The following MEGF11 variants were observed in gnomAD, a reference collection of about 807,000 sequenced individuals.
MEGF11 encodes the protein multiple EGF like domains 11.
A neutral mutation model predicts 146.6 loss-of-function variants in MEGF11; 126 were observed. That is an observed-to-expected ratio of 0.86 (90% CI 0.74 to 1.00). The LOEUF (loss-of-function observed/expected upper bound fraction) is 1.00, where lower values mean the gene tolerates loss of function less well. Among genes scored for constraint, MEGF11 ranks in the 50% least tolerant of loss-of-function variants. The pLI is 0.00. For synonymous variants in MEGF11, 532 were observed against 583.4 expected (o/e 0.91, Z 1.27); for missense variants, 1,509 against 1,521.2 (o/e 0.99, Z 0.13).
At chr15:66,103,092 C>A (rs1247032354) in intron 4 of MEGF11, among the ~76,000 whole-genome samples, 1 of 152,176 alleles carries the variant, frequency 6.6e-6, no homozygotes, top group African/African-American at 2.4e-5. Flanking sequence ...ATCCCAGCAG[C>A]AAATGAGAAC....
At chr15:66,047,758 G>C (rs930207560) in intron 5 of MEGF11, among the ~76,000 whole-genome samples, 1 of 152,172 alleles carries the variant, frequency 6.6e-6, no homozygotes, top group Non-Finnish European at 1.5e-5. Flanking sequence ...GGGCCGAGCG[G>C]CTCTTGCAAC....
intron 1 of MEGF11, among the ~76,000 whole-genome samples, chr15:66,192,544 T>C (rs536969553): frequency 1.2e-4 from 18 of 146,758 alleles, no homozygotes; most frequent in Non-Finnish European, 2.6e-4. Context: ...ATCATCATAA[T>C]GAGCCTAGGA....
chr15:65,960,099 T>TAAATCAAATCTTTCAAATATGAAA (rs2080805058), intron 9 of MEGF11, among the ~76,000 whole-genome samples: 1 of 152,258 alleles, frequency 6.6e-6, no homozygotes, highest in African/African-American at 2.4e-5. Context: ...ATCTGTTGGC[T>TAAATCAAATCTTTCAAATATGAAA]AAATCAAATC....
In MEGF11 at chr15:65,965,060, G is replaced by A; in HGVS notation, c.960C>T (p.Cys320=). The change falls in exon 9 of 26, where the codon TGC becomes TGT. Residue 320 remains cysteine, a synonymous_variant. Coordinates refer to ENST00000395614, the MANE Select transcript of MEGF11 (RefSeq NM_001385028.1). ...FGFQCSQHCD[C]HNGGQCSPTT... ...TGGGTGAACACTGCCCCCCATTGTG[G>A]CAGTCACAGTGCTGTGAGCACTGGA... 1 of 1,595,660 alleles carries A rather than the reference G, an allele frequency of 6.3e-7. No homozygotes were observed. Among genetic ancestry groups the A allele is most frequent in the Non-Finnish European group, 8.5e-7 (1 of 1,170,862 alleles).
At chr15:65,906,016 C>A in intron 24 of MEGF11, 69 bp downstream of exon 24, 1 of 1,328,656 alleles carries the variant, frequency 7.5e-7, no homozygotes, top group South Asian at 1.3e-5. Context: ...GAATTCCTGG[C>A]CATTTCAGAT....
At chr15:66,133,253 C>T (rs1015996076) in intron 1 of MEGF11, among the ~76,000 whole-genome samples, 1 of 152,222 alleles carries the variant, frequency 6.6e-6, no homozygotes, top group African/African-American at 2.4e-5. Context: ...CGCATGTCTG[C>T]TCCCCACACC....
chr15:66,207,142 A>C (rs542414592), intron 1 of MEGF11, among the ~76,000 whole-genome samples: 7 of 152,266 alleles, frequency 4.6e-5, no homozygotes, highest in African/African-American at 1.7e-4. Context: ...TATAGAGAGA[A>C]ATAATAGCTG....
intron 1 of MEGF11, among the ~76,000 whole-genome samples, chr15:66,235,615 T>A (rs1273011592): frequency 6.6e-6 from 1 of 152,096 alleles, no homozygotes; most frequent in Non-Finnish European, 1.5e-5. Context: ...TCCTCGTTTC[T>A]CAAGCCTCTG....
chr15:66,079,551 C>A (rs971092625), intron 5 of MEGF11, among the ~76,000 whole-genome samples: 1 of 142,474 alleles, frequency 7.0e-6, no homozygotes, highest in Non-Finnish European at 1.5e-5. Context: ...CCCCCCCCAG[C>A]ACCCCCGCCA....
Position 66,228,208 on chromosome 15 carries a change from A to T in MEGF11, c.-9+25397T>A, listed in dbSNP as rs75802274. 7.6e-3 allele frequency among the ~76,000 whole-genome samples: 1,152 copies of T among 152,216 alleles called. 5 individuals carry two copies. Among genetic ancestry groups the T allele is most frequent in the Middle Eastern group, 0.02 (6 of 294 alleles). ...CCTTCGAGACCAGGGGAGCTTAGCA[A>T]ATCATATCACAGCAGGAAGGCTCTT... On this transcript the variant is annotated intron_variant, in intron 1 of 25. Transcript: ENST00000395614.
At chr15:66,080,172 G>A (rs1230956267) in intron 5 of MEGF11, among the ~76,000 whole-genome samples, 1 of 152,186 alleles carries the variant, frequency 6.6e-6, no homozygotes, top group East Asian at 1.9e-4. Flanking sequence ...CAGGGGCTGG[G>A]CAGTCTCTTA....
In MEGF11 at chr15:66,160,565, G is replaced by A. The variant is rs146467365; in HGVS notation, c.-8-32154C>T. 4.0e-3 allele frequency among the ~76,000 whole-genome samples: 613 copies of A among 152,086 alleles called. 3 individuals carry two copies. The highest frequency in any genetic ancestry group is 0.034 in the Middle Eastern group (10 of 294). On this transcript the variant is annotated intron_variant, in intron 1 of 25. Transcript: ENST00000395614. ...CTGTGCTGATATCACATCCATGAGG[G>A]TAAGGTAGAATATAATTTCTAATGT...
At chr15:65,966,187 G>A (rs1384386607) in intron 8 of MEGF11, among the ~76,000 whole-genome samples, 4 of 152,078 alleles carry the variant, frequency 2.6e-5, no homozygotes, top group Non-Finnish European at 4.4e-5. Flanking sequence ...CTAGAGACGG[G>A]GTTTCACCAT....
intron 5 of MEGF11, among the ~76,000 whole-genome samples, chr15:66,058,268 G>C (rs763236006): frequency 6.6e-6 from 1 of 152,096 alleles, no homozygotes. Context: ...CAGAATACAG[G>C]CTGTGCGGAA....
At chr15:65,991,990 G>A (rs2141765728) in intron 5 of MEGF11, among the ~76,000 whole-genome samples, 1 of 152,370 alleles carries the variant, frequency 6.6e-6, no homozygotes, top group Middle Eastern at 3.4e-3. Flanking sequence ...GGGGTGATGA[G>A]AGGAGCTCTG....
rs548254413 is a variant in MEGF11 at position 65,974,516 on chromosome 15, G to A, written c.763-3827C>T. On this transcript the variant is annotated intron_variant, in intron 7 of 25. Coordinates refer to ENST00000395614, the MANE Select transcript of MEGF11 (RefSeq NM_001385028.1). ...CTAGTAAAAAATACAAAAATCAGGC[G>A]TGATGGCAGGTGCCTGTAATCCCAG... Among the ~76,000 whole-genome samples, 20 of 152,200 alleles carry A rather than the reference G, an allele frequency of 1.3e-4. No homozygotes were observed. The South Asian group carries it at 1.7e-3, about 13-fold the overall frequency.
intron 1 of MEGF11, among the ~76,000 whole-genome samples, chr15:66,203,417 G>A (rs1597150192): frequency 1.3e-5 from 2 of 152,352 alleles, no homozygotes; most frequent in South Asian, 2.1e-4. Context: ...ACTGGCAACT[G>A]AGGCCTTCTA....
At chr15:66,136,410 C>G (rs1353218100) in intron 1 of MEGF11, among the ~76,000 whole-genome samples, 2 of 152,134 alleles carry the variant, frequency 1.3e-5, no homozygotes, top group African/African-American at 2.4e-5. Context: ...CACGTCTCCC[C>G]AGTCAATAGA....
intron 1 of MEGF11, among the ~76,000 whole-genome samples, chr15:66,206,532 A>T (rs1256636077): frequency 6.6e-6 from 1 of 152,214 alleles, no homozygotes; most frequent in East Asian, 1.9e-4. Context: ...AACAATTGAA[A>T]GCAGCCAGAA....
Sources: gnomAD v4.1 joint callset for allele counts (sites outside exome capture counted in the v4.1 genomes callset) on GRCh38, gnomAD v4.1.1 for gene constraint, MANE v1.5 for transcripts, NCBI Gene and HGNC (gene_info 2026-07-23, HGNC 2026-07-21) for gene names.